FRMD4A: variants seen among roughly 807,000 people sequenced by gnomAD.
FRMD4A encodes the protein FERM domain-containing protein 4A.
FRMD4A carries 29 observed loss-of-function variants against 129.1 expected under a neutral mutation model. The observed-to-expected ratio is 0.22, with a 90% CI of 0.17 to 0.31. FRMD4A has a LOEUF of 0.31. Among genes scored for constraint, FRMD4A ranks in the 10% least tolerant of loss-of-function variants. FRMD4A has a pLI of 1.00. For missense variants in FRMD4A, 1,272 were observed against 1,375.8 expected (o/e 0.92, Z 1.19); for synonymous variants, 634 against 571.6 (o/e 1.11, Z -1.56).
At chr10:14,202,615 G>A (rs1208496605) in intron 2 of FRMD4A, among the ~76,000 whole-genome samples, 2 of 151,984 alleles carry the variant, frequency 1.3e-5, no homozygotes, top group Non-Finnish European at 2.9e-5. Context: ...TGGCCAGGCT[G>A]GTCTCGAACT....
chr10:13,782,855 T>C (rs1220039299), intron 6 of FRMD4A, 67 bp downstream of exon 6: 4 of 802,464 alleles, frequency 5.0e-6, no homozygotes, highest in Non-Finnish European at 9.1e-6. Context: ...GGTAACACTT[T>C]GGAATTTCCA....
At chr10:14,084,087 C>A (rs1349511283) in intron 2 of FRMD4A, among the ~76,000 whole-genome samples, 1 of 152,208 alleles carries the variant, frequency 6.6e-6, no homozygotes, top group Non-Finnish European at 1.5e-5. Flanking sequence ...AAAGCACTCA[C>A]AGCCCTGACT....
At chr10:13,825,482 G>A (rs538273550) in intron 3 of FRMD4A, among the ~76,000 whole-genome samples, 2 of 152,292 alleles carry the variant, frequency 1.3e-5, no homozygotes, top group African/African-American at 2.4e-5. Flanking sequence ...TGCATGCGAG[G>A]GATCTAGGTT....
intron 7 of FRMD4A, 75 bp downstream of exon 7, chr10:13,762,549 T>C: frequency 1.2e-6 from 1 of 838,128 alleles, no homozygotes; most frequent in Admixed American, 1.9e-5. Context: ...AGCTACTGGC[T>C]ATGCCTGGTA....
At chr10:13,797,878 C>A (rs1224094398) in intron 4 of FRMD4A, among the ~76,000 whole-genome samples, 2 of 136,188 alleles carry the variant, frequency 1.5e-5, no homozygotes, top group East Asian at 2.3e-4. Flanking sequence ...GACTTCCAAC[C>A]CCTTTTTGAG....
At position 13,666,309 on chromosome 10, in the gene FRMD4A, C is replaced by A; in HGVS notation, c.1391G>T (p.Arg464Leu). The change falls in exon 18 of 25, where the codon CGC (arginine) becomes CTC (leucine). Residue 464 changes from arginine (R) to leucine (L), a missense_variant. By Grantham distance (102) the Arg-to-Leu change is moderately radical. This residue lies in a region of FRMD4A where 972 missense variants were observed against 892.3 expected (regional missense o/e 1.09). Transcript: ENST00000357447. ...CTGAATGGCAAACTCTCGTTCCAGGCGTTCCAGCTCAGCTTCCTGTGGGAG... is the reference window on the plus strand; with the variant it reads ...CTGAATGGCAAACTCTCGTTCCAGGAGTTCCAGCTCAGCTTCCTGTGGGAG... Reference protein sequence around the residue: ...LPKGEEAELERLEREFAIQSQ... With the variant: ...LPKGEEAELELLEREFAIQSQ... The A allele has an allele frequency of 6.2e-7, 1 of 1,613,616 alleles. No homozygotes were observed. Among genetic ancestry groups the A allele is most frequent in the Non-Finnish European group, 8.5e-7 (1 of 1,179,576 alleles).
chr10:13,803,539 T>A (rs1588814716), intron 4 of FRMD4A, among the ~76,000 whole-genome samples: 1 of 152,038 alleles, frequency 6.6e-6, no homozygotes, highest in African/African-American at 2.4e-5. Context: ...GGTTTTGCTG[T>A]GATGCCCAGG....
Position 14,246,200 on chromosome 10 carries a change from A to G in FRMD4A, c.45+83858T>C, listed in dbSNP as rs187227439. ...AATCAACCCAGATTTCTCAGGTCCA[A>G]TTAAAGAATTAGGTCTTCAATTTAG... On this transcript the variant is annotated intron_variant, in intron 2 of 24. Coordinates refer to ENST00000357447, the MANE Select transcript of FRMD4A (RefSeq NM_018027.5). Among the ~76,000 whole-genome samples the G allele has an allele frequency of 3.5e-4, 54 of 152,312 alleles. No homozygotes were observed. The East Asian group carries it at 5.6e-3, about 16-fold the overall frequency.
At chr10:13,789,157 G>A (rs994020431) in intron 5 of FRMD4A, among the ~76,000 whole-genome samples, 5 of 152,178 alleles carry the variant, frequency 3.3e-5, no homozygotes, top group Non-Finnish European at 7.3e-5. Flanking sequence ...GAATCTCAAT[G>A]CCTCTAAAAT....
chr10:13,845,339 G>T (rs2094028327), intron 3 of FRMD4A, among the ~76,000 whole-genome samples: 1 of 152,188 alleles, frequency 6.6e-6, no homozygotes, highest in South Asian at 2.1e-4. Context: ...ATGATGTGTT[G>T]GAGATCTGGA....
chr10:14,264,937 A>G (rs756613555), intron 2 of FRMD4A, among the ~76,000 whole-genome samples: 4 of 152,104 alleles, frequency 2.6e-5, no homozygotes, highest in Non-Finnish European at 4.4e-5. Context: ...GCTCACCACC[A>G]TGCCTGGCTA....
chr10:13,851,999 T>G (rs1388513362), intron 3 of FRMD4A, among the ~76,000 whole-genome samples: 3 of 151,890 alleles, frequency 2.0e-5, no homozygotes, highest in Non-Finnish European at 2.9e-5. Flanking sequence ...CCCACTGATT[T>G]GACATTATGG....
At chr10:13,857,884 G>A (rs1353410697) in intron 3 of FRMD4A, among the ~76,000 whole-genome samples, 1 of 152,144 alleles carries the variant, frequency 6.6e-6, no homozygotes, top group Non-Finnish European at 1.5e-5. Context: ...TTAGAGCTTT[G>A]GGTCAAACAA....
chr10:14,152,122 T>TC (rs1840369438), intron 2 of FRMD4A, among the ~76,000 whole-genome samples: 1 of 122,264 alleles, frequency 8.2e-6, no homozygotes, highest in Non-Finnish European at 1.7e-5. Context: ...TAGTGCTTTT[T>TC]TTTTTTTTTT....
intron 2 of FRMD4A, among the ~76,000 whole-genome samples, chr10:14,005,199 A>T (rs1239274913): frequency 6.6e-6 from 1 of 151,664 alleles, no homozygotes; most frequent in Non-Finnish European, 1.5e-5. Flanking sequence ...ATTTTTTTGT[A>T]TTTTAGTACA....
intron 24 of FRMD4A, among the ~76,000 whole-genome samples, chr10:13,650,422 GTGTATGTATTCGTGTATGTA>G (rs1177317395): frequency 1.3e-5 from 2 of 150,128 alleles, no homozygotes; most frequent in Non-Finnish European, 2.9e-5. Context: ...GCATGAACTC[GTGTATGTATTCGTGTATGTA>G]TGTAGGTATT....
chr10:13,810,984 C>T (rs2093434333), intron 3 of FRMD4A, 76 bp from the exon 4 acceptor site: 2 of 724,526 alleles, frequency 2.8e-6, no homozygotes, highest in Admixed American at 5.3e-5. Context: ...CTCAGGTTTC[C>T]ATAATTTTTT....
chr10:14,178,614 C>T (rs1426411605), intron 2 of FRMD4A, among the ~76,000 whole-genome samples: 1 of 152,072 alleles, frequency 6.6e-6, no homozygotes, highest in East Asian at 1.9e-4. Context: ...CAATAAATGT[C>T]CGTGAAGAAT....
At chr10:14,261,219 T>C (rs901069420) in intron 2 of FRMD4A, among the ~76,000 whole-genome samples, 4 of 152,304 alleles carry the variant, frequency 2.6e-5, no homozygotes, top group Non-Finnish European at 4.4e-5. Flanking sequence ...TTTAGGAGGA[T>C]GTCAAAACAT....
Sources: gnomAD v4.1 joint callset for allele counts (sites outside exome capture counted in the v4.1 genomes callset) on GRCh38, gnomAD v4.1.1 for gene constraint, gnomAD v4.1.1 regional missense constraint, MANE v1.5 for transcripts, NCBI Gene and HGNC (gene_info 2026-07-23, HGNC 2026-07-21) for gene names.